Variants in DLGAP1 observed in about 807,000 individuals in gnomAD.
The protein encoded by DLGAP1 is disks large-associated protein 1.
In DLGAP1, 11 loss-of-function variants were observed where a neutral mutation model predicts 90.8. That is an observed-to-expected ratio of 0.12 (90% CI 0.08 to 0.20). The LOEUF (loss-of-function observed/expected upper bound fraction) is 0.20. DLGAP1 is among the 10% of genes least tolerant of loss of function. The pLI is 1.00. For missense variants in DLGAP1, 1,050 were observed against 1,333.8 expected (o/e 0.79, Z 3.31); for synonymous variants, 558 against 540.7 (o/e 1.03, Z -0.44).
intron 7 of DLGAP1, among the ~76,000 whole-genome samples, chr18:3,648,803 A>G (rs1777208668): frequency 6.6e-6 from 1 of 152,226 alleles, no homozygotes; most frequent in African/African-American, 2.4e-5. Context: ...AAACAAAAAG[A>G]AAAGAGGGAA....
intron 3 of DLGAP1, among the ~76,000 whole-genome samples, chr18:3,936,853 G>A (rs775876160): frequency 1.3e-5 from 2 of 152,188 alleles, no homozygotes; most frequent in Non-Finnish European, 2.9e-5. Flanking sequence ...AACCATCACT[G>A]AGAAGCTCTA....
At chr18:4,337,354 C>T (rs552275875) in intron 1 of DLGAP1, among the ~76,000 whole-genome samples, 6 of 151,770 alleles carry the variant, frequency 4.0e-5, no homozygotes, top group Non-Finnish European at 4.4e-5. Flanking sequence ...CCACCACGCC[C>T]GGCTAATTTT....
At chr18:4,137,435 G>A (rs975106619) in intron 2 of DLGAP1, among the ~76,000 whole-genome samples, 12 of 152,088 alleles carry the variant, frequency 7.9e-5, no homozygotes, top group African/African-American at 2.9e-4. Flanking sequence ...TGAATTCACT[G>A]TTGATAAGTG....
rs529108659 is a variant in DLGAP1 at position 4,185,937 on chromosome 18, G to A, written c.-266-34650C>T. ...AGCATTCCCTTTTCTCTGCAACCTC[G>A]CCAGCATTTGTTTTTTGACTTTTTA... is the stretch of plus-strand genomic sequence containing the variant. On this transcript the variant is annotated intron_variant, in intron 1 of 12. Transcript: ENST00000315677. Among the ~76,000 whole-genome samples, 9 of 152,090 alleles carry A rather than the reference G, an allele frequency of 5.9e-5. No individual in the cohort carries two copies. The South Asian group carries it at 1.2e-3, about 21-fold the overall frequency.
chr18:3,928,400 A>G (rs2072441187), intron 3 of DLGAP1, among the ~76,000 whole-genome samples: 1 of 152,234 alleles, frequency 6.6e-6, no homozygotes, highest in Admixed American at 6.5e-5. Flanking sequence ...TGTGCCTTCA[A>G]AATATTTCTA....
chr18:3,549,798 G>A (rs1486604488), intron 9 of DLGAP1, among the ~76,000 whole-genome samples: 1 of 152,126 alleles, frequency 6.6e-6, no homozygotes, highest in East Asian at 1.9e-4. Flanking sequence ...ATGTGTTACA[G>A]GCCAAATTGT....
chr18:3,538,242 C>T (rs1202041771), intron 9 of DLGAP1, among the ~76,000 whole-genome samples: 2 of 152,044 alleles, frequency 1.3e-5, no homozygotes, highest in East Asian at 1.9e-4. Context: ...TGACCAAATA[C>T]GTTGTGATTC....
At chr18:3,561,276 AAAAC>A (rs2054087415) in intron 9 of DLGAP1, among the ~76,000 whole-genome samples, 1 of 139,882 alleles carries the variant, frequency 7.1e-6, no homozygotes, top group Non-Finnish European at 1.5e-5. Context: ...CAAAAAAAAA[AAAAC>A]AAACAAAAAA....
chr18:3,556,361 C>T (rs1318024518), intron 9 of DLGAP1, among the ~76,000 whole-genome samples: 1 of 152,122 alleles, frequency 6.6e-6, no homozygotes, highest in Admixed American at 6.6e-5. Flanking sequence ...TTCTCGTATC[C>T]ACCGTTGCAT....
At chr18:4,073,884 C>A (rs567008064) in intron 2 of DLGAP1, among the ~76,000 whole-genome samples, 1 of 151,768 alleles carries the variant, frequency 6.6e-6, no homozygotes, top group African/African-American at 2.4e-5. Context: ...CCACAAACAA[C>A]CAATTAAGAC....
intron 1 of DLGAP1, among the ~76,000 whole-genome samples, chr18:4,201,316 A>G (rs1364896059): frequency 6.6e-6 from 1 of 152,062 alleles, no homozygotes; most frequent in East Asian, 1.9e-4. Flanking sequence ...AGAAATAGGG[A>G]TGCAGTTTTA....
chr18:3,775,125 A>G lies in DLGAP1; in HGVS notation c.1173-32613T>C, dbSNP rs1434978755. Among the ~76,000 whole-genome samples, 1 of 152,214 alleles carries G rather than the reference A, an allele frequency of 6.6e-6. No homozygotes were observed. The highest frequency in any genetic ancestry group is 1.9e-4 in the East Asian group (1 of 5,180). On this transcript the variant is annotated intron_variant, in intron 5 of 12. Transcript: ENST00000315677. This position sits in a 1 kb window ranked among gnomAD's most constrained non-coding sequence, Gnocchi z 4.9. ...TCTTTAAGCCCATTGAACTCTCCTA[A>G]AAATCATTTAGTACCTCCCTAAAAT... is the stretch of plus-strand genomic sequence containing the variant.
chr18:3,636,974 C>T (rs541664666), intron 7 of DLGAP1, among the ~76,000 whole-genome samples: 57 of 152,124 alleles, frequency 3.7e-4, no homozygotes, highest in African/African-American at 1.3e-3. Context: ...CCACCCGCCT[C>T]GGCATCCCAA....
intron 1 of DLGAP1, among the ~76,000 whole-genome samples, chr18:4,218,015 T>C (rs1157635266): frequency 7.4e-6 from 1 of 135,408 alleles, no homozygotes; most frequent in African/African-American, 3.9e-5. Context: ...TTTTCCCTCT[T>C]ATGTTATCTT....
chr18:3,591,949 TCAA>T (rs1302214283), intron 7 of DLGAP1, among the ~76,000 whole-genome samples: 1 of 152,060 alleles, frequency 6.6e-6, no homozygotes, highest in Non-Finnish European at 1.5e-5. Flanking sequence ...CTGGACCTGT[TCAA>T]GCACAGACCA....
At chr18:3,667,147 A>G (rs1453426048) in intron 7 of DLGAP1, among the ~76,000 whole-genome samples, 2 of 151,152 alleles carry the variant, frequency 1.3e-5, no homozygotes, top group African/African-American at 4.9e-5. Context: ...GGTGCATCTC[A>G]GCTCACTGCA....
intron 2 of DLGAP1, among the ~76,000 whole-genome samples, chr18:4,102,260 C>T (rs575580078): frequency 1.3e-3 from 205 of 152,270 alleles, no homozygotes; most frequent in Non-Finnish European, 1.5e-3. Context: ...AACAGTACTA[C>T]GCATTTTCTT....
At chr18:3,945,886 A>G (rs574349076) in intron 3 of DLGAP1, among the ~76,000 whole-genome samples, 1 of 152,362 alleles carries the variant, frequency 6.6e-6, no homozygotes, top group Non-Finnish European at 1.5e-5. Flanking sequence ...TTATGGGAAT[A>G]GATGCCACTG....
chr18:4,311,452 G>A (rs1327621294), intron 1 of DLGAP1, among the ~76,000 whole-genome samples: 1 of 152,154 alleles, frequency 6.6e-6, no homozygotes, highest in Non-Finnish European at 1.5e-5. Context: ...TACAATATAT[G>A]AGAATAACAT....
Sources: gnomAD v4.1 joint callset for allele counts (sites outside exome capture counted in the v4.1 genomes callset) on GRCh38, gnomAD v4.1.1 for gene constraint, Gnocchi (gnomAD v3.1) non-coding constraint, MANE v1.5 for transcripts, NCBI Gene and HGNC (gene_info 2026-07-23, HGNC 2026-07-21) for gene names.